Variants in RIMS2 observed in about 807,000 individuals in gnomAD.
The protein encoded by RIMS2 is regulating synaptic membrane exocytosis protein 2.
Under a neutral mutation model 174.4 loss-of-function variants are expected in RIMS2, and 59 were observed. The ratio of observed to expected loss-of-function variants is 0.34; its 90% CI spans 0.27 to 0.42. The LOEUF (loss-of-function observed/expected upper bound fraction) is 0.42. Among genes scored for constraint, RIMS2 ranks in the 10% least tolerant of loss-of-function variants. The pLI is 1.00. For missense variants in RIMS2, 1,620 were observed against 1,666.3 expected (o/e 0.97, Z 0.48); for synonymous variants, 606 against 572.5 (o/e 1.06, Z -0.84).
At chr8:103,851,955 C>T (rs370850600) in intron 3 of RIMS2, among the ~76,000 whole-genome samples, 137 of 151,970 alleles carry the variant, frequency 9.0e-4, no homozygotes, top group African/African-American at 3.2e-3. Context: ...GTTTTTGTAT[C>T]TCTCATGTGT....
chr8:103,786,864 A>C (rs2098448742), intron 3 of RIMS2, among the ~76,000 whole-genome samples: 1 of 152,074 alleles, frequency 6.6e-6, no homozygotes, highest in Non-Finnish European at 1.5e-5. Context: ...TAATGTTGAC[A>C]GTGGGGTGTT....
intron 14 of RIMS2, among the ~76,000 whole-genome samples, chr8:103,947,163 A>T (rs533340772): frequency 6.6e-6 from 1 of 152,364 alleles, no homozygotes; most frequent in East Asian, 1.9e-4. Flanking sequence ...AAGAAAACAT[A>T]GGAGAAAAAT....
chr8:104,161,405 G>T (rs1056449229), intron 19 of RIMS2, among the ~76,000 whole-genome samples: 3 of 152,152 alleles, frequency 2.0e-5, no homozygotes, highest in Non-Finnish European at 4.4e-5. Context: ...AGTGATAAAT[G>T]AGACTAGCAA....
chr8:103,740,960 G>GATA (rs2097756149), intron 2 of RIMS2, among the ~76,000 whole-genome samples: 1 of 151,816 alleles, frequency 6.6e-6, no homozygotes, highest in African/African-American at 2.4e-5. Context: ...TTTTTAAAAA[G>GATA]ATAACCTTTT....
intron 10 of RIMS2, among the ~76,000 whole-genome samples, chr8:103,926,547 T>A (rs1375973809): frequency 6.6e-6 from 1 of 151,588 alleles, no homozygotes; most frequent in Non-Finnish European, 1.5e-5. Context: ...CTTTGGGTTT[T>A]AGATTTATGT....
intron 1 of RIMS2, among the ~76,000 whole-genome samples, chr8:103,617,698 A>G (rs934761665): frequency 2.6e-5 from 4 of 152,234 alleles, no homozygotes; most frequent in Non-Finnish European, 5.9e-5. Flanking sequence ...GGCAAAGAAC[A>G]TGATCAGACA....
intron 1 of RIMS2, among the ~76,000 whole-genome samples, chr8:103,571,128 T>C (rs1164338092): frequency 6.6e-6 from 1 of 152,198 alleles, no homozygotes; most frequent in Non-Finnish European, 1.5e-5. Flanking sequence ...AACTAGATTA[T>C]AAATTTGACA....
chr8:103,718,894 A>G (rs998290813), intron 2 of RIMS2, among the ~76,000 whole-genome samples: 4 of 152,222 alleles, frequency 2.6e-5, no homozygotes, highest in African/African-American at 7.2e-5. Flanking sequence ...GCTGATCTCA[A>G]ATGCCTCGGC....
intron 1 of RIMS2, among the ~76,000 whole-genome samples, chr8:103,526,437 G>A (rs532396773): frequency 6.6e-6 from 1 of 152,150 alleles, no homozygotes; most frequent in African/African-American, 2.4e-5. Context: ...AGGCATACAA[G>A]ACATAAGTTA....
chr8:104,223,783 GGAA>G lies in RIMS2; in HGVS notation c.3335-21128_3335-21126del, dbSNP rs759567551. 2.2e-5 allele frequency: 35 copies of G among 1,596,048 alleles called. No individual in the cohort carries two copies. In the African/African-American group the frequency reaches 2.7e-4, roughly 12 times the overall value. On this transcript the variant is annotated intron_variant, in intron 19 of 23. Transcript: ENST00000504942. ...TTCCCTGCATGAACTCCCTGGAGGA[GGAA>G]GAAGGAGGTGAGACACCCCTTCCCC...
At chr8:104,121,846 C>T (rs146531071) in intron 19 of RIMS2, among the ~76,000 whole-genome samples, 6,650 of 152,204 alleles carry the variant, frequency 0.044, 174 homozygotes, top group Middle Eastern at 0.14. Flanking sequence ...CCTGTAATCC[C>T]AGCACTTGGG....
intron 3 of RIMS2, among the ~76,000 whole-genome samples, chr8:103,834,676 T>TTTTTCTTCCTTTCTTTC: frequency 8.3e-6 from 1 of 120,096 alleles, no homozygotes; most frequent in South Asian, 3.0e-4. Context: ...TCTGAGGTCT[T>TTTTTCTTCCTTTCTTTC]TTTCTTTCTT....
intron 19 of RIMS2, among the ~76,000 whole-genome samples, chr8:104,050,801 T>C (rs1444563213): frequency 6.6e-6 from 1 of 152,222 alleles, no homozygotes; most frequent in African/African-American, 2.4e-5. Flanking sequence ...AAGTTTGTGA[T>C]CAAATATTTA....
chr8:103,769,074 G>T, intron 3 of RIMS2: 1 of 246,190 alleles, frequency 4.1e-6, no homozygotes, highest in Non-Finnish European at 8.3e-6. Flanking sequence ...AAAAAAAAAA[G>T]GATAATAGGA....
At chr8:104,251,459 C>A (rs1402196141) in intron 23 of RIMS2, 143 bp from the exon 30 acceptor site, 3 of 629,738 alleles carry the variant, frequency 4.8e-6, no homozygotes, top group Non-Finnish European at 5.6e-6. Context: ...TAGTTAAAGA[C>A]AACTATTCTA....
intron 1 of RIMS2, among the ~76,000 whole-genome samples, chr8:103,588,455 G>T (rs1018030025): frequency 1.3e-5 from 2 of 151,626 alleles, no homozygotes; most frequent in Admixed American, 1.3e-4. Flanking sequence ...AGCCAAAGCT[G>T]TCCTGAACAA....
chr8:103,819,496 A>G, intron 3 of RIMS2: 1 of 1,611,868 alleles, frequency 6.2e-7, no homozygotes, highest in South Asian at 1.1e-5. Context: ...AGGGGAAAAA[A>G]AAAGAAAGAA....
intron 16 of RIMS2, among the ~76,000 whole-genome samples, chr8:103,983,387 G>T (rs1200896055): frequency 6.6e-6 from 1 of 152,152 alleles, no homozygotes; most frequent in African/African-American, 2.4e-5. Flanking sequence ...CACAGAAATT[G>T]AAGAAATAAT....
At chr8:103,839,542 C>T (rs1010924007) in intron 3 of RIMS2, among the ~76,000 whole-genome samples, 2 of 152,032 alleles carry the variant, frequency 1.3e-5, no homozygotes, top group Non-Finnish European at 2.9e-5. Context: ...ACTGAATGCC[C>T]TGGGATTTTT....
Sources: allele counts gnomAD v4.1 joint callset (sites outside exome capture counted in the v4.1 genomes callset), GRCh38; gene constraint gnomAD v4.1.1; transcripts MANE v1.5; gene names NCBI Gene and HGNC (gene_info 2026-07-23, HGNC 2026-07-21).